Variants in TIA1 observed in about 807,000 individuals in gnomAD.
TIA1 encodes the protein cytotoxic granule associated RNA binding protein TIA1.
In TIA1, 23 loss-of-function variants were observed where a neutral mutation model predicts 65.9. The observed-to-expected ratio is 0.35, with a 90% CI of 0.25 to 0.49. The LOEUF is 0.49. Ranked by LOEUF, TIA1 falls within the 20% of genes least tolerant of loss-of-function variation. The pLI, the probability that TIA1 is intolerant of heterozygous loss-of-function variation, is 0.98. For synonymous variants in TIA1, 147 were observed against 149.4 expected (o/e 0.98, Z 0.12); for missense variants, 371 against 477.9 (o/e 0.78, Z 2.09).
rs1688724498 is a variant in TIA1, at chr2:70,235,988, C to T, written c.123+91G>A. On this transcript the variant is annotated intron_variant, in intron 2 of 12. Coordinates refer to ENST00000433529, the MANE Select transcript of TIA1 (RefSeq NM_022173.4). ...ACTAATAATTTATACTATATTTAGA[C>T]CATGGTAAACTAAGAATTCCTTCCA... is the stretch of plus-strand genomic sequence containing the variant. The T allele has an allele frequency of 9.9e-6, 7 of 705,698 alleles. No homozygotes were observed. The Admixed American group carries it at 1.1e-4, about 11-fold the overall frequency. 43.7% of individuals were successfully genotyped at this position (705,698 alleles called of 1,614,324 possible).
chr2:70,215,486 G>C lies in TIA1; in HGVS notation c.773C>G (p.Ser258Cys). 1.9e-6 allele frequency: 3 copies of C among 1,610,822 alleles called. No homozygotes were observed. Among genetic ancestry groups the C allele is most frequent in the Non-Finnish European group, 2.5e-6 (3 of 1,178,254 alleles). The change falls in exon 11 of 13, where the codon TCC becomes TGC. Residue 258 changes from serine (S) to cysteine (C), a missense_variant. Physicochemically the swap from Ser to Cys is moderately radical, Grantham distance 112. Coordinates refer to ENST00000433529, the MANE Select transcript of TIA1 (RefSeq NM_022173.4). ...DKGYSFVRFN[S>C]HESAAHAIVS... The stretch of plus-strand genomic sequence containing the variant: ...AATTGCATGTGCTGCACTTTCATGG[G>C]AATTGAACCTATTGAAAACAATATT...
At chr2:70,225,891 A>G (rs187109213) in intron 6 of TIA1, among the ~76,000 whole-genome samples, 1 of 152,280 alleles carries the variant, frequency 6.6e-6, no homozygotes, top group Non-Finnish European at 1.5e-5. Flanking sequence ...TTTTTATACT[A>G]CATGCTTTTA....
intron 1 of TIA1, among the ~76,000 whole-genome samples, chr2:70,242,913 T>C (rs1389546693): frequency 1.3e-5 from 2 of 152,310 alleles, no homozygotes; most frequent in African/African-American, 4.8e-5. Flanking sequence ...TCCACAAAAC[T>C]GGTCTCGGTG....
chr2:70,231,999 G>A (rs1013292917), intron 2 of TIA1, among the ~76,000 whole-genome samples: 1 of 150,850 alleles, frequency 6.6e-6, no homozygotes, highest in East Asian at 2.0e-4. Flanking sequence ...TCAGGAGATC[G>A]ACACCATCCT....
At position 70,248,486 on chromosome 2, in the gene TIA1, C is replaced by A; in HGVS notation, c.-56G>T. On this transcript the variant is annotated 5_prime_UTR_variant, in exon 1 of 13. Transcript: ENST00000433529. ...TCCAGCTCCCTGCCCTTCACTACCT[C>A]CCAAATCGTTTAAGCGGTTATGGCT... is the stretch of plus-strand genomic sequence containing the variant. 1 of 1,600,492 alleles carries A rather than the reference C, an allele frequency of 6.2e-7. No homozygotes were observed. Among genetic ancestry groups the A allele is most frequent in the Non-Finnish European group, 8.5e-7 (1 of 1,179,846 alleles).
intron 10 of TIA1, 105 bp from the exon 11 acceptor site, chr2:70,215,599 G>GT: frequency 9.9e-7 from 1 of 1,006,786 alleles, no homozygotes; most frequent in South Asian, 1.8e-5. Context: ...AACAGTTTGC[G>GT]TAACATGGCA....
At position 70,212,848 on chromosome 2, in the gene TIA1, G is replaced by A; in HGVS notation, c.1035-3C>T. 1.2e-6 allele frequency: 2 copies of A among 1,608,542 alleles called. No individual in the cohort carries two copies. Among genetic ancestry groups the A allele is most frequent in the Non-Finnish European group, 1.7e-6 (2 of 1,175,046 alleles). On this transcript the variant is annotated splice_region_variant and splice_polypyrimidine_tract_variant and intron_variant, in intron 12 of 12. Transcript: ENST00000433529. ...ATGGTGCAGAAGACTGTGTCTGACT[G>A]GTGGAGAATGTGAAAGAAGCAGAGG...
rs780894412 is a variant in TIA1 at position 70,214,398 on chromosome 2, C to A, written c.985G>T (p.Val329Phe). Reference sequence around the variant, plus strand: ...TGGCCATACATTCCATATGCAGGAACTTGCCAACCATTAGGCATATACTGG... The same window carrying A: ...TGGCCATACATTCCATATGCAGGAAATTGCCAACCATTAGGCATATACTGG... ...IGQYMPNGWQ[V>F]PAYGMYGQAW... Residue 329 changes from valine (V) to phenylalanine (F), a missense_variant, in exon 12 of 13, where the codon GTT becomes TTT. By Grantham distance (50) the Val-to-Phe change is conservative. Transcript: ENST00000433529. The A allele has an allele frequency of 6.2e-7, 1 of 1,613,958 alleles. No homozygotes were observed. Among genetic ancestry groups the A allele is most frequent in the Non-Finnish European group, 8.5e-7 (1 of 1,179,962 alleles).
chr2:70,221,020 T>C (rs1681058061), intron 7 of TIA1, among the ~76,000 whole-genome samples: 1 of 151,898 alleles, frequency 6.6e-6, no homozygotes, highest in Non-Finnish European at 1.5e-5. Flanking sequence ...TATATATATA[T>C]TTTTGAGACG....
chr2:70,213,607 C>T (rs1677252108), intron 12 of TIA1, among the ~76,000 whole-genome samples: 1 of 151,760 alleles, frequency 6.6e-6, no homozygotes, highest in African/African-American at 2.4e-5. Context: ...CCTTGGCCTT[C>T]CAAAGTGCTA....
At chr2:70,220,605 T>C (rs115728039) in intron 7 of TIA1, among the ~76,000 whole-genome samples, 533 of 152,198 alleles carry the variant, frequency 3.5e-3, no homozygotes, top group African/African-American at 0.012. Flanking sequence ...GACACCTTGA[T>C]TGTGAATTTC....
At chr2:70,226,035 C>G (rs917920725) in intron 6 of TIA1, among the ~76,000 whole-genome samples, 2 of 152,122 alleles carry the variant, frequency 1.3e-5, no homozygotes, top group South Asian at 4.1e-4. Context: ...GGAAAATATG[C>G]TACTGACTGC....
chr2:70,225,413 C>T, intron 6 of TIA1: 2 of 1,287,828 alleles, frequency 1.6e-6, no homozygotes, highest in Non-Finnish European at 1.0e-6. Flanking sequence ...AACCAGAGCC[C>T]TATTATTTGA....
intron 6 of TIA1, among the ~76,000 whole-genome samples, chr2:70,227,409 T>C (rs1312077962): frequency 6.6e-6 from 1 of 152,174 alleles, no homozygotes; most frequent in Non-Finnish European, 1.5e-5. Context: ...CTAAATTCCT[T>C]AGTTACAGCA....
At chr2:70,223,728 C>T (rs1167840205) in intron 7 of TIA1, among the ~76,000 whole-genome samples, 1 of 148,068 alleles carries the variant, frequency 6.8e-6, no homozygotes, top group East Asian at 2.0e-4. Context: ...TTTCGGAATT[C>T]CCGGAAAAAA....
chr2:70,214,053 A>G (rs1052779576), intron 12 of TIA1, among the ~76,000 whole-genome samples: 12 of 152,210 alleles, frequency 7.9e-5, no homozygotes, highest in African/African-American at 2.9e-4. Context: ...GAAGCTTGCA[A>G]TGTAACAAGG....
chr2:70,246,203 C>A (rs546265505), intron 1 of TIA1, among the ~76,000 whole-genome samples: 1 of 152,242 alleles, frequency 6.6e-6, no homozygotes, highest in South Asian at 2.1e-4. Flanking sequence ...GGATTATAGG[C>A]GTGAGCCACT....
At chr2:70,220,332 C>T (rs1680705853) in intron 7 of TIA1, among the ~76,000 whole-genome samples, 1 of 152,048 alleles carries the variant, frequency 6.6e-6, no homozygotes, top group African/African-American at 2.4e-5. Flanking sequence ...TCACCTAAGC[C>T]TGGGAGGTCA....
At chr2:70,224,480 G>A in intron 7 of TIA1, 74 bp downstream of exon 7, 1 of 1,588,412 alleles carries the variant, frequency 6.3e-7, no homozygotes, top group African/African-American at 1.4e-5. Context: ...ACGAAAAAAA[G>A]ATTAGTAATT....
Sources: allele counts gnomAD v4.1 joint callset (sites outside exome capture counted in the v4.1 genomes callset), GRCh38; gene constraint gnomAD v4.1.1; transcripts MANE v1.5; gene names NCBI Gene and HGNC (gene_info 2026-07-23, HGNC 2026-07-21).